The following SOX5 variants were observed in gnomAD, a reference collection of about 807,000 sequenced individuals.
SOX5 encodes the protein SRY-box transcription factor 5, also known as transcription factor SOX-5.
A neutral mutation model predicts 92.0 loss-of-function variants in SOX5; 9 were observed. The observed-to-expected ratio is 0.10, with a 90% CI of 0.06 to 0.17. The LOEUF is 0.17. Among genes scored for constraint, SOX5 ranks in the 10% least tolerant of loss-of-function variants. SOX5 has a pLI of 1.00. For missense variants in SOX5, 642 were observed against 944.5 expected, an observed-to-expected ratio of 0.68 and a Z score of 4.20; for synonymous variants, 344 against 336.3, an observed-to-expected ratio of 1.02 and a Z score of -0.25.
intron 3 of SOX5, among the ~76,000 whole-genome samples, chr12:24,218,827 C>T (rs1238541688): frequency 6.6e-6 from 1 of 151,914 alleles, no homozygotes; most frequent in Non-Finnish European, 1.5e-5. Flanking sequence ...TGGCTAAAAA[C>T]TAATAATAAA....
At chr12:24,044,267 A>C (rs1956797142) in intron 4 of SOX5, among the ~76,000 whole-genome samples, 1 of 148,030 alleles carries the variant, frequency 6.8e-6, no homozygotes, top group Non-Finnish European at 1.5e-5. Flanking sequence ...CTCAGCGGAG[A>C]AGCTTAGTGT....
Position 23,531,696 on chromosome 12 carries a change from AAAAC to A in SOX5, c.*2519_*2522del, listed in dbSNP as rs554320623. 2.6e-5 allele frequency: 4 copies of A among 152,166 alleles called. No homozygotes were observed. Among genetic ancestry groups the A allele is most frequent in the Non-Finnish European group, 2.9e-5 (2 of 68,030 alleles). 9.4% of individuals were successfully genotyped at this position (152,166 alleles called of 1,614,324 possible). A position where few individuals can be genotyped will look rare whatever the true frequency, so the allele number is the denominator to read the frequency against. On this transcript the variant is annotated 3_prime_UTR_variant, in exon 15 of 15. Transcript: ENST00000451604. ...AGAGTGCTTAAAAACAAAACAAACA[AAAAC>A]AAAAAAAAATTGGCTCTAGATGACT...
intron 4 of SOX5, among the ~76,000 whole-genome samples, chr12:24,141,045 G>C (rs1420197532): frequency 1.0e-5 from 1 of 98,866 alleles, no homozygotes; most frequent in East Asian, 4.8e-4. Flanking sequence ...GTATTTCTGG[G>C]TCAGAAATAG....
intron 3 of SOX5, among the ~76,000 whole-genome samples, chr12:24,274,634 A>C (rs1944208913): frequency 6.6e-6 from 1 of 150,618 alleles, no homozygotes; most frequent in South Asian, 2.1e-4. Context: ...TGTGTCTCTT[A>C]CAAGTTCAAA....
intron 9 of SOX5, among the ~76,000 whole-genome samples, chr12:23,580,199 G>C (rs975496044): frequency 6.6e-6 from 1 of 151,942 alleles, no homozygotes; most frequent in Non-Finnish European, 1.5e-5. Flanking sequence ...GGAAAGTAAG[G>C]CTTAGAAAGT....
chr12:24,511,512 T>C (rs1270552838), intron 1 of SOX5, among the ~76,000 whole-genome samples: 1 of 152,220 alleles, frequency 6.6e-6, no homozygotes, highest in Non-Finnish European at 1.5e-5. Flanking sequence ...TATGACTTTT[T>C]CAAAATCTTA....
rs376268555 is a variant in SOX5, at chr12:24,219,654, A to C, written c.-76-6237T>G. 3.0e-4 allele frequency among the ~76,000 whole-genome samples: 45 copies of C among 152,198 alleles called. No individual in the cohort carries two copies. The East Asian group carries it at 6.9e-3, about 23-fold the overall frequency. The stretch of plus-strand genomic sequence containing the variant: ...AGCCTCAATTCCAGTTATACCACCT[A>C]AGTGTCTAACCTCTCTGTTTAGTTA... On this transcript the variant is annotated intron_variant, in intron 3 of 4. Transcript: ENST00000446891.
intron 8 of SOX5, 126 bp from the exon 9 acceptor site, chr12:23,604,659 A>T: frequency 1.2e-6 from 1 of 826,348 alleles, no homozygotes; most frequent in Admixed American, 2.8e-5. Context: ...GTGCACTGGA[A>T]TATTTAAAGA....
intron 4 of SOX5, among the ~76,000 whole-genome samples, chr12:23,963,360 T>G (rs911319059): frequency 1.3e-5 from 2 of 152,140 alleles, no homozygotes; most frequent in Non-Finnish European, 2.9e-5. Flanking sequence ...AAAGAGTAAA[T>G]TTATCTCATT....
intron 1 of SOX5, among the ~76,000 whole-genome samples, chr12:24,426,962 T>C (rs1397238765): frequency 6.6e-6 from 1 of 152,204 alleles, no homozygotes; most frequent in Admixed American, 6.5e-5. Flanking sequence ...CACCTTCCAG[T>C]AGAGTGAATC....
chr12:23,666,377 T>C (rs1220615753), intron 6 of SOX5, among the ~76,000 whole-genome samples: 2 of 152,140 alleles, frequency 1.3e-5, no homozygotes, highest in African/African-American at 4.8e-5. Context: ...AGTTAATAAA[T>C]AATCCAGCAC....
At chr12:24,202,031 T>A (rs902201523) in intron 4 of SOX5, among the ~76,000 whole-genome samples, 2 of 152,344 alleles carry the variant, frequency 1.3e-5, no homozygotes, top group South Asian at 2.1e-4. Context: ...ATACTTGACA[T>A]CTCTGCTCTC....
chr12:24,105,269 G>A (rs576951521), intron 4 of SOX5, among the ~76,000 whole-genome samples: 29 of 152,058 alleles, frequency 1.9e-4, no homozygotes, highest in Non-Finnish European at 3.7e-4. Context: ...GGCCAGGCAC[G>A]GTGGCTCACG....
chr12:24,061,233 C>G (rs182505574), intron 4 of SOX5, among the ~76,000 whole-genome samples: 115 of 152,094 alleles, frequency 7.6e-4, no homozygotes, highest in Non-Finnish European at 1.3e-3. Context: ...AAGGCACAAG[C>G]AGAGAACAAG....
At chr12:23,951,510 C>A (rs913371521), upstream of SOX5, among the ~76,000 whole-genome samples, 4 of 152,044 alleles carry the variant, frequency 2.6e-5, no homozygotes, top group African/African-American at 9.7e-5. Context: ...ATACATCATA[C>A]ACATATTCCA....
chr12:24,282,640 T>G (rs1945350315), intron 2 of SOX5, among the ~76,000 whole-genome samples: 1 of 152,198 alleles, frequency 6.6e-6, no homozygotes, highest in Non-Finnish European at 1.5e-5. Flanking sequence ...TAGTGTTATT[T>G]ACCGAGCACT....
intron 4 of SOX5, among the ~76,000 whole-genome samples, chr12:24,047,411 A>C (rs1208455627): frequency 2.6e-5 from 4 of 152,126 alleles, no homozygotes; most frequent in Non-Finnish European, 5.9e-5. Context: ...TCATATGGAC[A>C]CTCCATTCTT....
intron 4 of SOX5, among the ~76,000 whole-genome samples, chr12:24,093,406 C>A (rs1481143357): frequency 6.6e-6 from 1 of 151,876 alleles, no homozygotes; most frequent in Non-Finnish European, 1.5e-5. Flanking sequence ...GCCTGTAGTC[C>A]CAACTACTCG....
intron 6 of SOX5, among the ~76,000 whole-genome samples, chr12:23,710,743 TG>T (rs1414099294): frequency 6.6e-6 from 1 of 152,220 alleles, no homozygotes; most frequent in African/African-American, 2.4e-5. Context: ...TATAATCGTT[TG>T]GGTATATACC....
Sources: gnomAD v4.1 joint callset for allele counts (sites outside exome capture counted in the v4.1 genomes callset) on GRCh38, gnomAD v4.1.1 for gene constraint, MANE v1.5 for transcripts, NCBI Gene and HGNC (gene_info 2026-07-23, HGNC 2026-07-21) for gene names.